GLIS3: variants seen among roughly 807,000 people sequenced by gnomAD.
GLIS3 encodes the protein zinc finger protein GLIS3.
A neutral mutation model predicts 78.6 loss-of-function variants in GLIS3; 53 were observed. The ratio of observed to expected loss-of-function variants is 0.67; its 90% CI spans 0.54 to 0.85. The LOEUF is 0.85. Ranked by LOEUF, GLIS3 falls within the 40% of genes least tolerant of loss-of-function variation. The pLI, the probability that GLIS3 is intolerant of heterozygous loss-of-function variation, is 0.00. For synonymous variants in GLIS3, 684 were observed against 509.9 expected (o/e 1.34, Z -4.60); for missense variants, 1,703 against 1,231.1 (o/e 1.38, Z -5.74).
At chr9:4,029,953 T>C (rs1823687190) in intron 4 of GLIS3, among the ~76,000 whole-genome samples, 2 of 152,228 alleles carry the variant, frequency 1.3e-5, no homozygotes, top group Admixed American at 1.3e-4. Context: ...CTTTTAGGTA[T>C]ATCCAGCAGT....
chr9:4,189,068 A>G (rs1297296297), intron 2 of GLIS3, among the ~76,000 whole-genome samples: 1 of 151,310 alleles, frequency 6.6e-6, no homozygotes, highest in East Asian at 1.9e-4. Flanking sequence ...TTGCTTTTCT[A>G]GTTCTTTTAA....
chr9:4,343,702 G>A (rs1050426100), intron 2 of GLIS3, among the ~76,000 whole-genome samples: 7 of 152,272 alleles, frequency 4.6e-5, no homozygotes, highest in Admixed American at 3.3e-4. Context: ...AGAAAATGCG[G>A]TACATACACA....
the GLIS3 span, among the ~76,000 whole-genome samples, chr9:4,471,616 T>G: frequency 3.3e-5 from 5 of 152,184 alleles, no homozygotes; most frequent in Non-Finnish European, 7.3e-5. Context: ...CAAGATGGAT[T>G]AAAGACTTTT....
the GLIS3 span, among the ~76,000 whole-genome samples, chr9:4,357,402 T>A: frequency 6.6e-6 from 1 of 152,164 alleles, no homozygotes; most frequent in Non-Finnish European, 1.5e-5. Context: ...GGGAAATCAG[T>A]CTTCTCTTGC....
chr9:4,195,239 C>A (rs796135127), intron 2 of GLIS3, among the ~76,000 whole-genome samples: 1 of 112,058 alleles, frequency 8.9e-6, no homozygotes, highest in African/African-American at 4.7e-5. Flanking sequence ...ACTGTGGGAG[C>A]CCCTGTCTGG....
intron 4 of GLIS3, among the ~76,000 whole-genome samples, chr9:4,094,410 T>G (rs542572136): frequency 6.6e-6 from 1 of 152,202 alleles, no homozygotes; most frequent in African/African-American, 2.4e-5. Context: ...TTTTTTACTC[T>G]AAATAAAATA....
the GLIS3 span, among the ~76,000 whole-genome samples, chr9:4,423,540 A>G: frequency 6.6e-6 from 1 of 152,150 alleles, no homozygotes; most frequent in African/African-American, 2.4e-5. Flanking sequence ...GACATCACTT[A>G]TACCTTATTA....
chr9:4,072,979 T>C (rs955463608), intron 4 of GLIS3, among the ~76,000 whole-genome samples: 3 of 151,964 alleles, frequency 2.0e-5, no homozygotes, highest in South Asian at 2.1e-4. Flanking sequence ...ATGATGTTTG[T>C]ATTTATAATT....
At chr9:4,016,510 C>T (rs751079771) in intron 4 of GLIS3, among the ~76,000 whole-genome samples, 1 of 152,256 alleles carries the variant, frequency 6.6e-6, no homozygotes. Flanking sequence ...TCAGAAATGC[C>T]AATGGGGCAT....
chr9:4,006,872 T>C (rs1228816411), intron 4 of GLIS3, among the ~76,000 whole-genome samples: 1 of 152,236 alleles, frequency 6.6e-6, no homozygotes. Flanking sequence ...ACGGTGCTGC[T>C]GTACTCAGCA....
chr9:4,435,131 G>T, the GLIS3 span, among the ~76,000 whole-genome samples: 1 of 152,192 alleles, frequency 6.6e-6, no homozygotes, highest in Admixed American at 6.5e-5. Context: ...GGTTGGCAGG[G>T]TATGAATATG....
At chr9:3,898,197 G>C (rs951574895) in intron 7 of GLIS3, 7 of 202,600 alleles carry the variant, frequency 3.5e-5, no homozygotes, top group African/African-American at 1.6e-4. Flanking sequence ...AGGTGGTCTG[G>C]GAGTGTCATC....
intron 4 of GLIS3, among the ~76,000 whole-genome samples, chr9:3,939,533 A>G (rs1181627619): frequency 3.3e-5 from 5 of 152,228 alleles, no homozygotes; most frequent in Admixed American, 2.6e-4. Context: ...AAAATGAACA[A>G]TATCTCAGAA....
At chr9:4,278,909 A>G (rs1159765854) in intron 2 of GLIS3, among the ~76,000 whole-genome samples, 1 of 152,244 alleles carries the variant, frequency 6.6e-6, no homozygotes, top group African/African-American at 2.4e-5. Context: ...AATCACCTTC[A>G]TAGTGTTCTT....
the GLIS3 span, among the ~76,000 whole-genome samples, chr9:4,382,567 G>A: frequency 6.6e-6 from 1 of 152,016 alleles, no homozygotes; most frequent in African/African-American, 2.4e-5. Flanking sequence ...ATTTCTCCAG[G>A]TATGTTAGCA....
intron 4 of GLIS3, among the ~76,000 whole-genome samples, chr9:4,015,888 C>CAAAAAAAAAAAAA (rs1049791263): frequency 3.1e-5 from 1 of 32,254 alleles, no homozygotes. Context: ...GACTCTGTCT[C>CAAAAAAAAAAAAA]AAAAAAAAAA....
At chr9:4,212,761 T>A (rs1226556544) in intron 2 of GLIS3, among the ~76,000 whole-genome samples, 2 of 152,128 alleles carry the variant, frequency 1.3e-5, no homozygotes, top group South Asian at 4.2e-4. Context: ...TGCTACTCCA[T>A]CTAAATAGGG....
At chr9:4,164,713 A>G (rs554845767) in intron 2 of GLIS3, among the ~76,000 whole-genome samples, 1 of 152,344 alleles carries the variant, frequency 6.6e-6, no homozygotes, top group South Asian at 2.1e-4. Flanking sequence ...TGAGCATGCA[A>G]CAAACAATAT....
At chr9:4,370,710 ATAT>A in the GLIS3 span, among the ~76,000 whole-genome samples, 2 of 150,496 alleles carry the variant, frequency 1.3e-5, no homozygotes, top group Admixed American at 6.6e-5. Context: ...TAAATAAAAT[ATAT>A]TATTTTTAAT....
Sources: allele counts gnomAD v4.1 joint callset (sites outside exome capture counted in the v4.1 genomes callset), GRCh38; gene constraint gnomAD v4.1.1; transcripts MANE v1.5; gene names NCBI Gene and HGNC (gene_info 2026-07-23, HGNC 2026-07-21).